GON4L: variants seen among roughly 807,000 people sequenced by gnomAD.
GON4L encodes GON-4-like protein.
A neutral mutation model predicts 211.8 loss-of-function variants in GON4L; 87 were observed. That is an observed-to-expected ratio of 0.41 (90% CI 0.35 to 0.49). GON4L has a LOEUF of 0.49. GON4L is among the 20% of genes least tolerant of loss of function. GON4L has a pLI of 0.15. For missense variants in GON4L, 2,155 were observed against 2,659.5 expected (o/e 0.81, Z 4.17); for synonymous variants, 875 against 962.6 (o/e 0.91, Z 1.68).
intron 6 of GON4L, among the ~76,000 whole-genome samples, chr1:155,816,575 GA>G (rs1294732207): frequency 3.3e-5 from 5 of 152,020 alleles, no homozygotes; most frequent in African/African-American, 1.2e-4. Flanking sequence ...CAACAGATGT[GA>G]CAACTATTTA....
intron 2 of GON4L, among the ~76,000 whole-genome samples, chr1:155,853,047 G>A (rs570564226): frequency 6.6e-6 from 1 of 152,170 alleles, no homozygotes; most frequent in Non-Finnish European, 1.5e-5. Context: ...AGGAGGTGGA[G>A]GCTGCAGTGA....
chr1:155,838,966 T>A (rs1256913934), intron 2 of GON4L, among the ~76,000 whole-genome samples: 2 of 151,894 alleles, frequency 1.3e-5, no homozygotes, highest in Non-Finnish European at 2.9e-5. Flanking sequence ...ATAAAAAATT[T>A]TAAAAACTGT....
intron 18 of GON4L, among the ~76,000 whole-genome samples, chr1:155,771,956 AG>A (rs1364921473): frequency 3.9e-5 from 6 of 152,044 alleles, no homozygotes; most frequent in Non-Finnish European, 8.8e-5. Context: ...CTGAGTCAGG[AG>A]TTCGAGACCA....
chr1:155,851,757 C>T (rs933780149), intron 2 of GON4L, among the ~76,000 whole-genome samples: 1 of 151,782 alleles, frequency 6.6e-6, no homozygotes, highest in Non-Finnish European at 1.5e-5. Context: ...TTTTCTAAAG[C>T]ATAAATGTGT....
intron 12 of GON4L, among the ~76,000 whole-genome samples, chr1:155,790,104 A>G (rs1223319860): frequency 6.6e-6 from 1 of 151,480 alleles, no homozygotes; most frequent in Non-Finnish European, 1.5e-5. Context: ...GCACCCAGAT[A>G]ATTTTTTTTT....
intron 12 of GON4L, among the ~76,000 whole-genome samples, chr1:155,786,767 T>C (rs1423883442): frequency 6.6e-6 from 1 of 152,082 alleles, no homozygotes; most frequent in Non-Finnish European, 1.5e-5. Context: ...TAAAGTTCTA[T>C]GTTTAAGAAT....
chr1:155,787,123 C>T (rs1356632879), intron 12 of GON4L, among the ~76,000 whole-genome samples: 1 of 151,748 alleles, frequency 6.6e-6, no homozygotes, highest in Non-Finnish European at 1.5e-5. Context: ...GGGGTTTCAC[C>T]ATGGTCTCGA....
At chr1:155,748,873 G>A (rs556381617), downstream of GON4L, 70 of 1,303,110 alleles carry the variant, frequency 5.4e-5, no homozygotes, top group Middle Eastern at 1.0e-3. Flanking sequence ...TTCTAATGAT[G>A]TTGTTCCCTC....
chr1:155,850,868 G>A (rs924564623), intron 2 of GON4L, among the ~76,000 whole-genome samples: 2 of 150,780 alleles, frequency 1.3e-5, no homozygotes, highest in African/African-American at 4.9e-5. Context: ...GGCCAGCATG[G>A]TGAAACCCTG....
downstream of GON4L, chr1:155,747,863 T>G (rs200676591): frequency 7.6e-6 from 12 of 1,587,384 alleles, no homozygotes; most frequent in Non-Finnish European, 9.4e-6. Flanking sequence ...GAATAATAAC[T>G]TGGGGCCTGC....
chr1:155,806,402 A>G (rs1468981632), intron 10 of GON4L, among the ~76,000 whole-genome samples: 1 of 152,032 alleles, frequency 6.6e-6, no homozygotes, highest in Non-Finnish European at 1.5e-5. Flanking sequence ...TCAGCCTCCC[A>G]AAGTGTTGGG....
intron 12 of GON4L, among the ~76,000 whole-genome samples, chr1:155,790,347 C>T (rs1346104797): frequency 6.6e-6 from 1 of 151,924 alleles, no homozygotes; most frequent in Non-Finnish European, 1.5e-5. Flanking sequence ...ATCTGCCCAC[C>T]CTGGCCTCCC....
intron 13 of GON4L, chr1:155,784,834 C>A: frequency 4.6e-6 from 1 of 217,318 alleles, no homozygotes; most frequent in Non-Finnish European, 9.3e-6. Flanking sequence ...TTTCCAGGGG[C>A]CAGGCATGCT....
In GON4L at chr1:155,800,200, A is replaced by AAAAACAAAAC. The variant is rs568033649; in HGVS notation, c.1645+4739_1645+4748dup. 1.3e-4 allele frequency among the ~76,000 whole-genome samples: 19 copies of AAAAACAAAAC among 151,616 alleles called. 1 individual carries two copies. The highest frequency in any genetic ancestry group is 2.4e-4 in the African/African-American group (10 of 41,252). On this transcript the variant is annotated intron_variant, in intron 11 of 31. Coordinates refer to ENST00000368331, the MANE Select transcript of GON4L (RefSeq NM_001282860.2). Reference sequence around the variant, plus strand: ...GGCAACAAGAGCAAAACTCCATCTCAAAAACAAAACAAAACAAAACAAAAC... The same window carrying AAAAACAAAAC: ...GGCAACAAGAGCAAAACTCCATCTCAAAAACAAAACAAAACAAAACAAAACAAAACAAAAC...
intron 6 of GON4L, among the ~76,000 whole-genome samples, chr1:155,816,773 TAAAAA>T (rs34370558): frequency 3.8e-5 from 3 of 78,084 alleles, no homozygotes; most frequent in African/African-American, 4.8e-5. Flanking sequence ...TTTTTTTTCT[TAAAAA>T]AAAAAAAAAA....
chr1:155,758,370 C>A (rs529464589), intron 24 of GON4L, among the ~76,000 whole-genome samples: 1 of 152,226 alleles, frequency 6.6e-6, no homozygotes, highest in Non-Finnish European at 1.5e-5. Context: ...TCAGGCTGCA[C>A]AAGGTGGCTC....
rs1662490507 is a variant in GON4L at position 155,766,445 on chromosome 1, G to T, written c.3028C>A (p.Pro1010Thr). 6.2e-7 allele frequency: 1 copy of T among 1,613,930 alleles called. No homozygotes were observed. The highest frequency in any genetic ancestry group is 1.3e-5 in the African/African-American group (1 of 74,874). ...VLKPLLIQPS[P>T]SLQPSFNPGK... ...GGGTTGAAGCTGGGCTGGAGAGAGG[G>T]GCTGGGTTGGATAAGGAGGGGCTTC... The change falls in exon 21 of 32, where the codon CCC (proline) becomes ACC (threonine). Residue 1010 changes from proline to threonine, a missense_variant. Pro to Thr is a conservative substitution (Grantham distance 38). This residue lies in a region of GON4L where 615 missense variants were observed against 625.7 expected (regional missense o/e 0.98). Coordinates refer to ENST00000368331, the MANE Select transcript of GON4L (RefSeq NM_001282860.2).
At position 155,765,307 on chromosome 1, in the gene GON4L, G is replaced by C; in HGVS notation, c.4166C>G (p.Thr1389Ser). 1 of 1,614,154 alleles carries C rather than the reference G, an allele frequency of 6.2e-7. No individual in the cohort carries two copies. Among genetic ancestry groups the C allele is most frequent in the Non-Finnish European group, 8.5e-7 (1 of 1,180,016 alleles). ...KEEERSQPTKTPSSSQEPPDE... is the reference protein window; with the variant it reads ...KEEERSQPTKSPSSSQEPPDE... ...AGGGGGCTCTTGAGAAGATGAAGGG[G>C]TTTTAGTTGGCTGACTCCTCTCCTC... Residue 1389 changes from threonine (T) to serine (S), a missense_variant, in exon 21 of 32, where the codon ACC becomes AGC. By Grantham distance (58) the Thr-to-Ser change is moderately conservative (BLOSUM62 1). This residue lies in a region of GON4L where 615 missense variants were observed against 625.7 expected (regional missense o/e 0.98). Transcript: ENST00000368331.
At chr1:155,781,360 G>A (rs1664406919) in intron 14 of GON4L, among the ~76,000 whole-genome samples, 1 of 151,908 alleles carries the variant, frequency 6.6e-6, no homozygotes, top group Admixed American at 6.6e-5. Flanking sequence ...TGGCCAAGCT[G>A]GTCTCGAACT....
Sources: gnomAD v4.1 joint callset for allele counts (sites outside exome capture counted in the v4.1 genomes callset) on GRCh38, gnomAD v4.1.1 for gene constraint, gnomAD v4.1.1 regional missense constraint, MANE v1.5 for transcripts, NCBI Gene and HGNC (gene_info 2026-07-23, HGNC 2026-07-21) for gene names.